USP34: variants seen among roughly 807,000 people sequenced by gnomAD.
USP34 encodes ubiquitin specific peptidase 34.
A neutral mutation model predicts 460.3 loss-of-function variants in USP34; 70 were observed. The observed-to-expected ratio is 0.15, with a 90% CI of 0.13 to 0.19. The LOEUF is 0.19. USP34 is among the 10% of genes least tolerant of loss of function. The pLI, the probability that USP34 is intolerant of heterozygous loss-of-function variation, is 1.00. For synonymous variants in USP34, 1,647 were observed against 1,405.3 expected, an observed-to-expected ratio of 1.17 and a Z score of -3.85; for missense variants, 3,985 against 4,236.2, an observed-to-expected ratio of 0.94 and a Z score of 1.65.
At chr2:61,248,835 C>T (rs546465834) in intron 48 of USP34, 152 bp from the exon 49 acceptor site, 8 of 642,914 alleles carry the variant, frequency 1.2e-5, no homozygotes, top group Non-Finnish European at 1.9e-5. Context: ...TCTGAGAACA[C>T]CCCGTGTCTG....
At chr2:61,417,385 C>A in intron 2 of USP34, 1 of 513,070 alleles carries the variant, frequency 1.9e-6, no homozygotes, top group East Asian at 3.4e-5. Flanking sequence ...GCAGGACCTC[C>A]GTAATCTTAC....
chr2:61,231,277 T>C (rs536019136), intron 58 of USP34, among the ~76,000 whole-genome samples: 1 of 151,740 alleles, frequency 6.6e-6, no homozygotes, highest in South Asian at 2.1e-4. Flanking sequence ...TGCTAATGGG[T>C]ATAGGGTTTT....
At chr2:61,271,703 G>A (rs1334229023) in intron 41 of USP34, among the ~76,000 whole-genome samples, 1 of 152,106 alleles carries the variant, frequency 6.6e-6, no homozygotes, top group Non-Finnish European at 1.5e-5. Flanking sequence ...AGGGGAAGAA[G>A]GGGGAAGGAG....
intron 44 of USP34, 51 bp from the exon 45 acceptor site, chr2:61,257,401 T>C (rs1426342069): frequency 6.8e-7 from 1 of 1,478,778 alleles, no homozygotes; most frequent in Non-Finnish European, 9.0e-7. Flanking sequence ...ATAAGAAAAT[T>C]ATAGGTTCTT....
At chr2:61,289,765 AT>A (rs1183929592) in intron 33 of USP34, among the ~76,000 whole-genome samples, 2 of 152,200 alleles carry the variant, frequency 1.3e-5, no homozygotes, top group Admixed American at 6.5e-5. Context: ...AAAATTCAAT[AT>A]TGCATACACA....
chr2:61,355,798 CA>C (rs1346231807), intron 10 of USP34, among the ~76,000 whole-genome samples: 2 of 152,024 alleles, frequency 1.3e-5, no homozygotes, highest in Admixed American at 1.3e-4. Context: ...TTTAACTCTC[CA>C]ATCAAAAGAA....
In USP34 at chr2:61,440,962, C is replaced by T. The variant is rs924374370; in HGVS notation, c.44-20129G>A. 2.0e-5 allele frequency among the ~76,000 whole-genome samples: 3 copies of T among 151,494 alleles called. No individual in the cohort carries two copies. In the South Asian group the frequency reaches 6.3e-4, roughly 32 times the overall value. ...CTAACACGGTGAAACCCCGTCTCTA[C>T]TAAAAATACAAAAAAATTAGCTGGG... On this transcript the variant is annotated intron_variant, in intron 1 of 79. Transcript: ENST00000398571.
In USP34 at chr2:61,459,015, G is replaced by A. The variant is rs550013682; in HGVS notation, c.43+11635C>T. ...CGGGAGGTGGAAGTTGCAGTGAGCC[G>A]AGACTGCGCCACTGCAATCCAACCT... On this transcript the variant is annotated intron_variant, in intron 1 of 79. Coordinates refer to ENST00000398571, the MANE Select transcript of USP34 (RefSeq NM_014709.4). Among the ~76,000 whole-genome samples, 10 of 152,184 alleles carry A rather than the reference G, an allele frequency of 6.6e-5. 1 individual carries two copies. In the South Asian group the frequency reaches 2.1e-3, roughly 32 times the overall value.
intron 75 of USP34, among the ~76,000 whole-genome samples, chr2:61,197,837 G>A (rs1407521073): frequency 6.6e-6 from 1 of 152,180 alleles, no homozygotes; most frequent in Non-Finnish European, 1.5e-5. Context: ...TCAGCTCACT[G>A]CAACCTCCAC....
intron 68 of USP34, among the ~76,000 whole-genome samples, chr2:61,212,759 T>G (rs1435183145): frequency 6.6e-6 from 1 of 152,150 alleles, no homozygotes; most frequent in African/African-American, 2.4e-5. Context: ...GACATTACAT[T>G]TCACTGATGT....
At chr2:61,441,971 C>T (rs1573045750) in intron 1 of USP34, among the ~76,000 whole-genome samples, 4 of 152,042 alleles carry the variant, frequency 2.6e-5, no homozygotes, top group African/African-American at 7.2e-5. Context: ...AGTTAATACA[C>T]GTATCTACAG....
chr2:61,448,197 G>A (rs910471632), intron 1 of USP34, among the ~76,000 whole-genome samples: 1 of 152,194 alleles, frequency 6.6e-6, no homozygotes, highest in Non-Finnish European at 1.5e-5. Context: ...AAACTGGCCA[G>A]GCATGAATGC....
intron 1 of USP34, among the ~76,000 whole-genome samples, chr2:61,447,386 T>C (rs1695151424): frequency 6.6e-6 from 1 of 152,134 alleles, no homozygotes; most frequent in Non-Finnish European, 1.5e-5. Flanking sequence ...AAAATTTTAA[T>C]TTTTCTATCA....
intron 39 of USP34, among the ~76,000 whole-genome samples, chr2:61,279,176 A>C (rs1300295049): frequency 1.3e-5 from 2 of 152,106 alleles, no homozygotes; most frequent in Non-Finnish European, 2.9e-5. Flanking sequence ...CTTGCTCAAT[A>C]CTAATTTTTG....
intron 3 of USP34, among the ~76,000 whole-genome samples, chr2:61,399,057 C>A (rs1426823809): frequency 6.6e-6 from 1 of 152,118 alleles, no homozygotes; most frequent in Non-Finnish European, 1.5e-5. Context: ...ATGGGCACAG[C>A]TAAAAAATCT....
chr2:61,385,447 G>A (rs578200212), intron 5 of USP34, among the ~76,000 whole-genome samples: 28 of 151,232 alleles, frequency 1.9e-4, no homozygotes, highest in Non-Finnish European at 3.2e-4. Context: ...CGAGGCGGGC[G>A]GATCACGAGG....
chr2:61,383,646 G>C (rs1161517964), intron 5 of USP34, among the ~76,000 whole-genome samples: 1 of 152,050 alleles, frequency 6.6e-6, no homozygotes, highest in East Asian at 1.9e-4. Context: ...GGGGGGGGCG[G>C]GGGGAAGAGG....
At chr2:61,251,724 A>C (rs1250025040) in intron 48 of USP34, among the ~76,000 whole-genome samples, 3 of 152,188 alleles carry the variant, frequency 2.0e-5, no homozygotes, top group Non-Finnish European at 4.4e-5. Flanking sequence ...ACTTTAAAAG[A>C]CTGGAAATGA....
rs546533911 is a variant in USP34, at chr2:61,265,319, A to G, written c.5778+78T>C. 60 of 1,445,484 alleles carry G rather than the reference A, an allele frequency of 4.2e-5. No homozygotes were observed. The African/African-American group carries it at 8.1e-4, about 20-fold the overall frequency. 89.5% of individuals were successfully genotyped at this position (1,445,484 alleles called of 1,614,324 possible). A position where few individuals can be genotyped will look rare whatever the true frequency, so the allele number is the denominator to read the frequency against. Reference sequence around the variant, plus strand: ...CAAATTATTTTTTCAAACATTTACTACATTGAAATAAAAATTTATCAACAA... The same window carrying G: ...CAAATTATTTTTTCAAACATTTACTGCATTGAAATAAAAATTTATCAACAA... On this transcript the variant is annotated intron_variant, in intron 43 of 79. Coordinates refer to ENST00000398571, the MANE Select transcript of USP34 (RefSeq NM_014709.4).
Sources: allele counts gnomAD v4.1 joint callset (sites outside exome capture counted in the v4.1 genomes callset), GRCh38; gene constraint gnomAD v4.1.1; transcripts MANE v1.5; gene names NCBI Gene and HGNC (gene_info 2026-07-23, HGNC 2026-07-21).